Variants in TSHZ3 observed in about 807,000 individuals in gnomAD.
The protein encoded by TSHZ3 is teashirt zinc finger homeobox 3, also known as teashirt homolog 3.
A neutral mutation model predicts 64.5 loss-of-function variants in TSHZ3; 10 were observed. That is an observed-to-expected ratio of 0.16 (90% CI 0.10 to 0.26). TSHZ3 has a LOEUF of 0.26. Among genes scored for constraint, TSHZ3 ranks in the 10% least tolerant of loss-of-function variants. TSHZ3 has a pLI of 1.00. For missense variants in TSHZ3, 1,242 were observed against 1,421.7 expected (o/e 0.87, Z 2.03); for synonymous variants, 608 against 593.1 (o/e 1.03, Z -0.36).
intron 1 of TSHZ3, among the ~76,000 whole-genome samples, chr19:31,250,357 C>G (rs1975820997): frequency 6.6e-6 from 1 of 152,184 alleles, no homozygotes. Context: ...CTCCCCATCT[C>G]TAATCCTCAC....
rs1168986385 is a variant in TSHZ3 at position 31,244,505 on chromosome 19, C to T, written n.64-1630G>A. Among the ~76,000 whole-genome samples the T allele has an allele frequency of 4.6e-5, 7 of 152,166 alleles. No homozygotes were observed. The East Asian group carries it at 1.3e-3, about 29-fold the overall frequency. The stretch of plus-strand genomic sequence containing the variant: ...GAAATTCTCATAAATTGCCCACTCT[C>T]AGGTATTTCTTTACAGCTGTGAGGG... On this transcript the variant is annotated intron_variant and non_coding_transcript_variant, in intron 1 of 6. Transcript: ENST00000651361.
At chr19:31,299,153 C>T (rs556764044) in intron 1 of TSHZ3, among the ~76,000 whole-genome samples, 1 of 152,306 alleles carries the variant, frequency 6.6e-6, no homozygotes, top group African/African-American at 2.4e-5. Context: ...CGGGATTTCA[C>T]CACTGCACTC....
intron 1 of TSHZ3, among the ~76,000 whole-genome samples, chr19:31,295,962 T>C (rs1055405683): frequency 1.9e-4 from 27 of 144,864 alleles, no homozygotes; most frequent in Non-Finnish European, 4.0e-4. Context: ...GGCCCCAGTG[T>C]CCACTGTTCC....
intron 5 of TSHZ3, among the ~76,000 whole-genome samples, chr19:31,201,915 C>T (rs1023335629): frequency 6.6e-6 from 1 of 152,124 alleles, no homozygotes; most frequent in African/African-American, 2.4e-5. Flanking sequence ...GCCTGTAATC[C>T]CAGCACTTTG....
At chr19:31,213,605 A>T (rs1975289682) in intron 4 of TSHZ3, among the ~76,000 whole-genome samples, 1 of 152,148 alleles carries the variant, frequency 6.6e-6, no homozygotes, top group South Asian at 2.1e-4. Context: ...CTCAGTTGTA[A>T]CAAAGGTACC....
At chr19:31,202,058 C>T (rs1032394697) in intron 5 of TSHZ3, among the ~76,000 whole-genome samples, 5 of 151,878 alleles carry the variant, frequency 3.3e-5, no homozygotes, top group Admixed American at 3.3e-4. Flanking sequence ...CCCAGCTACT[C>T]GGGAGACTGA....
At chr19:31,249,796 C>A (rs1400706163) in intron 1 of TSHZ3, among the ~76,000 whole-genome samples, 2 of 152,208 alleles carry the variant, frequency 1.3e-5, no homozygotes, top group Non-Finnish European at 2.9e-5. Flanking sequence ...CCAACCCCAG[C>A]TTCCTCCAAG....
At chr19:31,160,338 AAAC>A (rs1974359748) in intron 5 of TSHZ3, among the ~76,000 whole-genome samples, 1 of 152,184 alleles carries the variant, frequency 6.6e-6, no homozygotes, top group Admixed American at 6.5e-5. Context: ...CAACTGGCAA[AAAC>A]AACAACGCTC....
chr19:31,327,192 G>A (rs757259954), intron 1 of TSHZ3, among the ~76,000 whole-genome samples: 1 of 152,116 alleles, frequency 6.6e-6, no homozygotes, highest in African/African-American at 2.4e-5. Context: ...AATATTCCAC[G>A]GCATTACTGG....
At chr19:31,300,849 CA>C (rs1179545304) in intron 1 of TSHZ3, among the ~76,000 whole-genome samples, 1 of 152,112 alleles carries the variant, frequency 6.6e-6, no homozygotes, top group East Asian at 1.9e-4. Flanking sequence ...TTGATAATGA[CA>C]AAGTAAATGT....
At chr19:31,238,949 A>C (rs1265303091) in intron 3 of TSHZ3, among the ~76,000 whole-genome samples, 2 of 152,140 alleles carry the variant, frequency 1.3e-5, no homozygotes, top group African/African-American at 4.8e-5. Flanking sequence ...ATGTTTTATA[A>C]AATTATTTCT....
rs1160334453 is a variant in TSHZ3, at chr19:31,340,338, C to CAAAAAAAAAAAAAAAAAAAA, written c.40+8822_40+8841dup. ...ATTAATTAGCAACAGGCCTACAGTA[C>CAAAAAAAAAAAAAAAAAAAA]AAAAAAAAAAAAAAAAAAAAAAAAA... On this transcript the variant is annotated intron_variant, in intron 1 of 1. Transcript: ENST00000240587. Among the ~76,000 whole-genome samples the CAAAAAAAAAAAAAAAAAAAA allele has an allele frequency of 4.3e-4, 14 of 32,754 alleles. 3 individuals are homozygous for CAAAAAAAAAAAAAAAAAAAA. The highest frequency in any genetic ancestry group is 2.1e-3 in the East Asian group (2 of 938). The allele number at this position is 32,754 out of a possible 152,430, so 21.5% of individuals were successfully genotyped here.
chr19:31,279,352 G>C lies in TSHZ3; in HGVS notation c.441C>G (p.Asn147Lys), dbSNP rs530960780. The C allele has an allele frequency of 6.2e-7, 1 of 1,614,160 alleles. No individual in the cohort carries two copies. Residue 147 changes from asparagine (N) to lysine (K), a missense_variant, in exon 2 of 2, where the codon AAC becomes AAG. Asn to Lys is a moderately conservative substitution (Grantham distance 94, BLOSUM62 0). Coordinates refer to ENST00000240587, the MANE Select transcript of TSHZ3 (RefSeq NM_020856.4). This position sits in a 1 kb window ranked among gnomAD's most constrained non-coding sequence, Gnocchi z 6.4. Reference sequence around the variant, plus strand: ...TGCTACTGCTGCTGCTGCTGCTGCCGTTGTTCTTCTCCGAGGAGGGCTGGT... The same window carrying C: ...TGCTACTGCTGCTGCTGCTGCTGCCCTTGTTCTTCTCCGAGGAGGGCTGGT... ...NLHQPSSEKN[N>K]GSSSSSSSSS...
chr19:31,313,759 C>T (rs1217009112), intron 1 of TSHZ3, among the ~76,000 whole-genome samples: 1 of 152,214 alleles, frequency 6.6e-6, no homozygotes, highest in Non-Finnish European at 1.5e-5. Flanking sequence ...TGAAGGATCC[C>T]TGCTCCTTGC....
intron 1 of TSHZ3, among the ~76,000 whole-genome samples, chr19:31,336,687 A>G (rs1917254296): frequency 6.6e-6 from 1 of 152,178 alleles, no homozygotes; most frequent in African/African-American, 2.4e-5. Context: ...AGAGCCAAGA[A>G]TGTGGGCTGG....
At chr19:31,268,253 C>G (rs1362811050) in intron 1 of TSHZ3, among the ~76,000 whole-genome samples, 1 of 152,134 alleles carries the variant, frequency 6.6e-6, no homozygotes, top group African/African-American at 2.4e-5. Context: ...ATTACCCAGT[C>G]TTGGGTATGT....
chr19:31,324,978 G>T (rs1016653448), intron 1 of TSHZ3, among the ~76,000 whole-genome samples: 4 of 152,202 alleles, frequency 2.6e-5, no homozygotes, highest in Non-Finnish European at 5.9e-5. Context: ...ACAAAATTAA[G>T]TCACTGTTTC....
exon 5 of TSHZ3, chr19:31,205,028 T>C (rs750555823): frequency 1.1e-4 from 17 of 152,138 alleles, no homozygotes; most frequent in Admixed American, 1.1e-3. Context: ...GAACTTGGGG[T>C]CTTTCAAGTT....
At chr19:31,286,087 G>T (rs922837975) in intron 1 of TSHZ3, among the ~76,000 whole-genome samples, 5 of 152,120 alleles carry the variant, frequency 3.3e-5, no homozygotes, top group African/African-American at 1.2e-4. Flanking sequence ...CTCAAGATGT[G>T]AGCCCCTGCG....
Sources: allele counts gnomAD v4.1 joint callset (sites outside exome capture counted in the v4.1 genomes callset), GRCh38; gene constraint gnomAD v4.1.1; non-coding constraint Gnocchi (gnomAD v3.1); transcripts MANE v1.5; gene names NCBI Gene and HGNC (gene_info 2026-07-23, HGNC 2026-07-21).